The following AOX1 variants were observed in gnomAD, a reference collection of about 807,000 sequenced individuals.
AOX1 encodes the protein aldehyde oxidase 1.
AOX1 carries 153 observed loss-of-function variants against 169.5 expected under a neutral mutation model. That is an observed-to-expected ratio of 0.90 (90% CI 0.79 to 1.03). The LOEUF is 1.03. Ranked by LOEUF, AOX1 falls within the 50% of genes least tolerant of loss-of-function variation. AOX1 has a pLI of 0.00. For missense variants in AOX1, 1,656 were observed against 1,663.9 expected, an observed-to-expected ratio of 1.00 and a Z score of 0.08; for synonymous variants, 562 against 581.9, an observed-to-expected ratio of 0.97 and a Z score of 0.49.
chr2:200,652,499 T>C (rs1396188825), intron 26 of AOX1, among the ~76,000 whole-genome samples: 2 of 152,152 alleles, frequency 1.3e-5, no homozygotes, highest in African/African-American at 2.4e-5. Flanking sequence ...TTTGTAAGCA[T>C]TGAGTCTTGG....
At chr2:200,656,696 C>T (rs769459976) in intron 26 of AOX1, 146 bp from the exon 27 acceptor site, 11 of 444,576 alleles carry the variant, frequency 2.5e-5, no homozygotes, top group Non-Finnish European at 4.2e-5. Flanking sequence ...GTTTCCCCCA[C>T]CCCAAAAAGA....
At chr2:200,661,672 T>C (rs749772408) in intron 30 of AOX1, 41 bp downstream of exon 30, 5 of 1,502,816 alleles carry the variant, frequency 3.3e-6, no homozygotes, top group Non-Finnish European at 3.7e-6. Flanking sequence ...AGAAGAACAG[T>C]GGTATCTTGA....
intron 26 of AOX1, among the ~76,000 whole-genome samples, chr2:200,654,609 C>T (rs2035646464): frequency 6.6e-6 from 1 of 152,160 alleles, no homozygotes; most frequent in Non-Finnish European, 1.5e-5. Context: ...CTCTGTGTGT[C>T]CAATGCCTTA....
At chr2:200,650,886 G>A in intron 25 of AOX1, 88 bp from the exon 26 acceptor site, 1 of 1,240,616 alleles carries the variant, frequency 8.1e-7, no homozygotes, top group East Asian at 2.5e-5. Context: ...TTACAGGATG[G>A]GCAGAATTTG....
downstream of AOX1, among the ~76,000 whole-genome samples, chr2:200,673,223 G>A (rs2036052117): frequency 6.6e-6 from 1 of 152,152 alleles, no homozygotes; most frequent in South Asian, 2.1e-4. Flanking sequence ...TGCCTGGTGG[G>A]TGGCTGCCTT....
chr2:200,621,751 A>G (rs1218962203), intron 18 of AOX1, among the ~76,000 whole-genome samples: 1 of 131,896 alleles, frequency 7.6e-6, no homozygotes, highest in Non-Finnish European at 1.7e-5. Context: ...TTTATTTTTT[A>G]TTTTATTTTA....
downstream of AOX1, among the ~76,000 whole-genome samples, chr2:200,680,750 T>C (rs772387989): frequency 5.9e-5 from 9 of 152,164 alleles, no homozygotes; most frequent in Non-Finnish European, 1.2e-4. Context: ...TTCGCCATGT[T>C]AGCCAGGCTG....
In AOX1 at chr2:200,609,386, T is replaced by G; in HGVS notation, c.1125T>G (p.Gly375=). Reference sequence around the variant, plus strand: ...ATCTGAATCCCATCCTGGCTGTGGGTAACTGTACCCTCAACTTGCTATCAA... The same window carrying G: ...ATCTGAATCCCATCCTGGCTGTGGGGAACTGTACCCTCAACTTGCTATCAA... ...DSDLNPILAV[G]NCTLNLLSKE... Residue 375 remains glycine, a synonymous_variant, in exon 12 of 35, where the codon GGT becomes GGG. Coordinates refer to ENST00000374700, the MANE Select transcript of AOX1 (RefSeq NM_001159.4). 1 of 1,614,076 alleles carries G rather than the reference T, an allele frequency of 6.2e-7. No homozygotes were observed. The highest frequency in any genetic ancestry group is 1.3e-5 in the African/African-American group (1 of 75,036).
intron 5 of AOX1, 83 bp from the exon 6 acceptor site, chr2:200,602,201 G>C (rs560920769): frequency 9.2e-7 from 1 of 1,089,466 alleles, no homozygotes; most frequent in East Asian, 2.4e-5. Context: ...TCTATGATAG[G>C]GTCCTCATTT....
At chr2:200,659,439 G>C in intron 28 of AOX1, 146 bp downstream of exon 28, 2 of 826,976 alleles carry the variant, frequency 2.4e-6, no homozygotes, top group South Asian at 2.0e-5. Context: ...GCACCCAGTG[G>C]TTCTCCTGTG....
intron 31 of AOX1, among the ~76,000 whole-genome samples, chr2:200,663,572 A>ACACACTCT (rs1286010281): frequency 9.5e-6 from 1 of 105,058 alleles, no homozygotes; most frequent in African/African-American, 3.8e-5. Flanking sequence ...ACACACACAC[A>ACACACTCT]CTCTCTCTCT....
At chr2:200,610,829 C>A (rs564542153) in intron 12 of AOX1, among the ~76,000 whole-genome samples, 76 of 152,204 alleles carry the variant, frequency 5.0e-4, no homozygotes, top group African/African-American at 1.5e-3. Flanking sequence ...GAGATCTTTT[C>A]ATCTATTTTT....
intron 31 of AOX1, among the ~76,000 whole-genome samples, chr2:200,665,279 G>T (rs758885693): frequency 6.6e-6 from 1 of 152,216 alleles, no homozygotes. Context: ...GGCTGGCCTG[G>T]TAGAGTATAG....
At chr2:200,680,131 C>T (rs556573226), downstream of AOX1, among the ~76,000 whole-genome samples, 8 of 152,004 alleles carry the variant, frequency 5.3e-5, no homozygotes, top group Non-Finnish European at 8.8e-5. Context: ...AACAAGGACG[C>T]GTATTCTATG....
intron 25 of AOX1, among the ~76,000 whole-genome samples, chr2:200,643,953 A>T (rs2035403783): frequency 2.7e-5 from 4 of 150,312 alleles, no homozygotes; most frequent in Admixed American, 2.7e-4. Flanking sequence ...TAGGTTATGG[A>T]TATTAGTCCT....
At chr2:200,609,193 G>T in intron 11 of AOX1, 58 bp downstream of exon 11, 1 of 1,600,956 alleles carries the variant, frequency 6.2e-7, no homozygotes, top group Non-Finnish European at 8.5e-7. Context: ...TCTCCCTGAT[G>T]AATCATGACA....
intron 31 of AOX1, among the ~76,000 whole-genome samples, chr2:200,665,432 G>A (rs1321411358): frequency 6.6e-6 from 1 of 152,130 alleles, no homozygotes; most frequent in Non-Finnish European, 1.5e-5. Context: ...AGCTTTGTGG[G>A]TTGTTTTTTT....
intron 25 of AOX1, among the ~76,000 whole-genome samples, chr2:200,648,559 G>C (rs2035512495): frequency 1.3e-5 from 2 of 152,204 alleles, no homozygotes; most frequent in Admixed American, 6.5e-5. Context: ...TTTTGTGCTG[G>C]TTGGCCTCCT....
chr2:200,625,837 TATCA>T (rs2034988598), intron 19 of AOX1, among the ~76,000 whole-genome samples: 1 of 152,194 alleles, frequency 6.6e-6, no homozygotes, highest in Non-Finnish European at 1.5e-5. Flanking sequence ...GGAAGTGTGT[TATCA>T]ATCAAAATAG....
Sources: gnomAD v4.1 joint callset for allele counts (sites outside exome capture counted in the v4.1 genomes callset) on GRCh38, gnomAD v4.1.1 for gene constraint, MANE v1.5 for transcripts, NCBI Gene and HGNC (gene_info 2026-07-23, HGNC 2026-07-21) for gene names.